Variants in FGFR2 observed in about 807,000 individuals in gnomAD.
FGFR2 encodes the protein fibroblast growth factor receptor 2.
A neutral mutation model predicts 95.9 loss-of-function variants in FGFR2; 19 were observed. The ratio of observed to expected loss-of-function variants is 0.20; its 90% CI spans 0.14 to 0.29. The LOEUF (loss-of-function observed/expected upper bound fraction) is 0.29, where lower values mean the gene tolerates loss of function less well. Among genes scored for constraint, FGFR2 ranks in the 10% least tolerant of loss-of-function variants. The probability of loss-of-function intolerance (pLI) is 1.00; values close to 1 mark genes in which losing one functional copy is unlikely to be tolerated. For missense variants in FGFR2, 707 were observed against 1,056.9 expected (o/e 0.67, Z 4.59); for synonymous variants, 392 against 393.3 (o/e 1.00, Z 0.04).
chr10:121,580,629 A>C (rs972159704), intron 2 of FGFR2, among the ~76,000 whole-genome samples: 9 of 152,158 alleles, frequency 5.9e-5, no homozygotes, highest in African/African-American at 2.2e-4. Context: ...GGACCCAAGG[A>C]AGGCAGGTCG....
At chr10:121,533,990 C>A (rs781343978) in intron 6 of FGFR2, among the ~76,000 whole-genome samples, 1 of 151,896 alleles carries the variant, frequency 6.6e-6, no homozygotes, top group Non-Finnish European at 1.5e-5. Flanking sequence ...ACAGCCAAAT[C>A]AGTCTCAGGA....
rs768341341 is a variant in FGFR2 at position 121,518,109 on chromosome 10, T to G, written c.940-646A>C. 4 of 458,844 alleles carry G rather than the reference T, an allele frequency of 8.7e-6. No individual in the cohort carries two copies. The highest frequency in any genetic ancestry group is 5.7e-5 in the East Asian group (1 of 17,454). 28.4% of individuals were successfully genotyped at this position (458,844 alleles called of 1,614,324 possible). On this transcript the variant is annotated intron_variant, in intron 7 of 17. Transcript: ENST00000358487. The surrounding 1 kb of genome is among the most constrained non-coding windows in gnomAD (Gnocchi z 4.0). ...TTAATAAACATTTGGATGTGAGTCA[T>G]GACAAACCTAAAAAGTCAACCTTTT...
chr10:121,523,248 G>T (rs901421510), intron 6 of FGFR2, among the ~76,000 whole-genome samples: 4 of 152,192 alleles, frequency 2.6e-5, no homozygotes, highest in Admixed American at 2.0e-4. Flanking sequence ...AGAACCTGAA[G>T]TTAAGACTTC....
intron 2 of FGFR2, among the ~76,000 whole-genome samples, chr10:121,585,161 GA>G (rs886334338): frequency 1.2e-4 from 19 of 152,090 alleles, no homozygotes; most frequent in Admixed American, 2.6e-4. Context: ...CAACAGAGGG[GA>G]AAAAAAATTT....
chr10:121,498,684 A>G, intron 11 of FGFR2, 79 bp from the exon 12 acceptor site: 3 of 1,135,650 alleles, frequency 2.6e-6, no homozygotes, highest in Non-Finnish European at 4.0e-6. Context: ...CCAAAGACTT[A>G]GTTGAAACAG....
At chr10:121,496,463 A>G (rs1201191502) in intron 13 of FGFR2, 69 bp downstream of exon 13, 1 of 1,472,328 alleles carries the variant, frequency 6.8e-7, no homozygotes, top group Non-Finnish European at 9.5e-7. Flanking sequence ...GCATGTCCAA[A>G]TTGCCTGTTT....
chr10:121,581,649 G>T (rs1860906082), intron 2 of FGFR2, among the ~76,000 whole-genome samples: 1 of 151,092 alleles, frequency 6.6e-6, no homozygotes, highest in Admixed American at 6.6e-5. Context: ...CTACTCAGAA[G>T]GCTAAGGTGG....
intron 5 of FGFR2, among the ~76,000 whole-genome samples, chr10:121,549,945 A>AC (rs1477467272): frequency 6.6e-6 from 1 of 152,200 alleles, no homozygotes; most frequent in Non-Finnish European, 1.5e-5. Context: ...AAGCTACCAT[A>AC]CCTTGGGGCA....
intron 9 of FGFR2, among the ~76,000 whole-genome samples, chr10:121,514,234 G>A (rs1849400503): frequency 6.6e-6 from 1 of 152,184 alleles, no homozygotes; most frequent in South Asian, 2.1e-4. Flanking sequence ...TCAGAACCAA[G>A]TTTCAAATGC....
Position 121,498,159 on chromosome 10 carries a change from T to C in FGFR2, c.1672+336A>G, listed in dbSNP as rs527799074. 3.5e-3 allele frequency among the ~76,000 whole-genome samples: 540 copies of C among 152,322 alleles called. 4 individuals carry two copies. Among genetic ancestry groups the C allele is most frequent in the Non-Finnish European group, 3.7e-3 (251 of 68,028 alleles). ...ACTTCTCAACCAAAACATAGGATCTTATTCTGACAAATCTCTCTTAGCACT... is the reference window on the plus strand; with the variant it reads ...ACTTCTCAACCAAAACATAGGATCTCATTCTGACAAATCTCTCTTAGCACT... On this transcript the variant is annotated intron_variant, in intron 12 of 17. Coordinates refer to ENST00000358487, the MANE Select transcript of FGFR2 (RefSeq NM_000141.5).
chr10:121,582,747 C>G (rs998428290), intron 2 of FGFR2, among the ~76,000 whole-genome samples: 5 of 152,068 alleles, frequency 3.3e-5, no homozygotes, highest in Non-Finnish European at 7.4e-5. Flanking sequence ...CGCACCACTG[C>G]ACTCCAGCCT....
chr10:121,501,369 A>G (rs1008112206), intron 10 of FGFR2, among the ~76,000 whole-genome samples: 2 of 152,222 alleles, frequency 1.3e-5, no homozygotes, highest in Non-Finnish European at 2.9e-5. Flanking sequence ...TCAAATACCA[A>G]TGGATTTTAT....
intron 10 of FGFR2, among the ~76,000 whole-genome samples, chr10:121,502,179 CCCCAG>C (rs1847682660): frequency 6.6e-6 from 1 of 152,180 alleles, no homozygotes; most frequent in Non-Finnish European, 1.5e-5. Flanking sequence ...GATCACAACT[CCCCAG>C]TTCAGTTATA....
chr10:121,540,549 G>GAT (rs1853563196), intron 5 of FGFR2, among the ~76,000 whole-genome samples: 1 of 152,142 alleles, frequency 6.6e-6, no homozygotes, highest in Non-Finnish European at 1.5e-5. Flanking sequence ...AAGAGCATGG[G>GAT]ACACATAGGT....
intron 6 of FGFR2, among the ~76,000 whole-genome samples, chr10:121,537,240 GAAC>G (rs1852975556): frequency 6.6e-6 from 1 of 152,152 alleles, no homozygotes; most frequent in Non-Finnish European, 1.5e-5. Context: ...GGCTTCTGAA[GAAC>G]AAAACTCAAA....
At position 121,503,972 on chromosome 10, in the gene FGFR2, A is replaced by C. The variant is rs201813271; in HGVS notation, c.1288-31T>G. The stretch of plus-strand genomic sequence containing the variant: ...TACAAAATGCAAAGACACAGATGTA[A>C]TCCTGGCTCCATCTGAGAAGGCTGG... On this transcript the variant is annotated intron_variant, in intron 9 of 17. Coordinates refer to ENST00000358487, the MANE Select transcript of FGFR2 (RefSeq NM_000141.5). 543 of 1,613,272 alleles carry C rather than the reference A, an allele frequency of 3.4e-4. 4 individuals carry two copies. Among genetic ancestry groups the C allele is most frequent in the Non-Finnish European group, 3.9e-5 (46 of 1,179,642 alleles).
chr10:121,510,940 T>C (rs1337023844), intron 9 of FGFR2, among the ~76,000 whole-genome samples: 6 of 152,044 alleles, frequency 3.9e-5, no homozygotes, highest in African/African-American at 1.4e-4. Flanking sequence ...TAGCTGAGAC[T>C]ACAGGCATGC....
intron 12 of FGFR2, 101 bp from the exon 13 acceptor site, chr10:121,496,823 T>TC: frequency 8.6e-7 from 1 of 1,160,870 alleles, no homozygotes; most frequent in East Asian, 2.3e-5. Context: ...TGCTTTTTTT[T>TC]TTTTTTTTAA....
rs1395894079 is a variant in FGFR2, at chr10:121,517,512, T to C, written c.940-49A>G. The C allele has an allele frequency of 1.9e-6, 3 of 1,612,848 alleles. No homozygotes were observed. The highest frequency in any genetic ancestry group is 2.2e-5 in the East Asian group (1 of 44,848). ...AAAAGGCTAGACGACACAGGAATGA[T>C]TGTGGAGGGGGCTGTGGAACCACAA... On this transcript the variant is annotated intron_variant, in intron 7 of 17. Transcript: ENST00000358487. The surrounding 1 kb of genome is among the most constrained non-coding windows in gnomAD (Gnocchi z 4.7).
Sources: gnomAD v4.1 joint callset for allele counts (sites outside exome capture counted in the v4.1 genomes callset) on GRCh38, gnomAD v4.1.1 for gene constraint, Gnocchi (gnomAD v3.1) non-coding constraint, MANE v1.5 for transcripts, NCBI Gene and HGNC (gene_info 2026-07-23, HGNC 2026-07-21) for gene names.